The following TJP1 variants were observed in gnomAD, a reference collection of about 807,000 sequenced individuals.
TJP1 encodes tight junction protein 1, also known as tight junction protein ZO-1.
Under a neutral mutation model 194.2 loss-of-function variants are expected in TJP1, and 43 were observed. The ratio of observed to expected loss-of-function variants is 0.22; its 90% CI spans 0.17 to 0.29. The LOEUF is 0.29. Among genes scored for constraint, TJP1 ranks in the 10% least tolerant of loss-of-function variants. The probability of loss-of-function intolerance (pLI) is 1.00; values close to 1 mark genes in which losing one functional copy is unlikely to be tolerated. For missense variants in TJP1, 1,971 were observed against 2,185.7 expected (o/e 0.90, Z 1.96); for synonymous variants, 801 against 779.0 (o/e 1.03, Z -0.47).
chr15:29,727,674 CTGATA>C (rs1361886651), intron 16 of TJP1, among the ~76,000 whole-genome samples: 1 of 152,188 alleles, frequency 6.6e-6, no homozygotes, highest in Non-Finnish European at 1.5e-5. Flanking sequence ...TTGAATTGTA[CTGATA>C]TAATATATAA....
At position 29,956,189 on chromosome 15, in the gene TJP1, T is replaced by C. The variant is rs758423369; in HGVS notation, c.306+43A>G. The C allele has an allele frequency of 8.6e-6, 10 of 1,163,644 alleles. 1 individual carries two copies. In the South Asian group the frequency reaches 1.6e-4, roughly 18 times the overall value. The allele number at this position is 1,163,644 out of a possible 1,614,324, so 72.1% of individuals were successfully genotyped here. ...GAAAATAATAAAATAAAAACTTTCA[T>C]ACTCTTTGGAAAAATGAGAAAAGCA... On this transcript the variant is annotated intron_variant, in intron 2 of 28. Transcript: ENST00000356107.
chr15:29,784,090 A>C (rs527237807), intron 2 of TJP1, among the ~76,000 whole-genome samples: 1 of 152,150 alleles, frequency 6.6e-6, no homozygotes, highest in Non-Finnish European at 1.5e-5. Context: ...GTCCCTAAAG[A>C]AGCAAATCAA....
intron 3 of TJP1, among the ~76,000 whole-genome samples, 180 bp downstream of exon 3, chr15:29,773,053 C>A (rs2046793255): frequency 6.6e-6 from 1 of 152,152 alleles, no homozygotes; most frequent in South Asian, 2.1e-4. Flanking sequence ...CAGGAGTGAG[C>A]CACCACACCT....
intron 2 of TJP1, among the ~76,000 whole-genome samples, chr15:29,951,790 T>C (rs1274665906): frequency 6.6e-6 from 1 of 152,160 alleles, no homozygotes; most frequent in African/African-American, 2.4e-5. Context: ...CACAAAACTT[T>C]TTGTAGTATT....
chr15:29,764,082 G>A (rs530338781), intron 5 of TJP1, among the ~76,000 whole-genome samples: 1 of 152,252 alleles, frequency 6.6e-6, no homozygotes, highest in East Asian at 1.9e-4. Context: ...AGGCATTAGG[G>A]AGAAAGCAGC....
chr15:29,754,567 T>C (rs532571047), intron 8 of TJP1, among the ~76,000 whole-genome samples: 6 of 152,110 alleles, frequency 3.9e-5, no homozygotes, highest in Admixed American at 6.5e-5. Flanking sequence ...CTCTCCACAT[T>C]TGAAATAGAA....
At chr15:29,869,791 CT>C (rs1345303516) in intron 2 of TJP1, among the ~76,000 whole-genome samples, 1 of 102,912 alleles carries the variant, frequency 9.7e-6, no homozygotes. Flanking sequence ...TTCTTTCTTT[CT>C]TTCTTTTTTT....
intron 2 of TJP1, among the ~76,000 whole-genome samples, chr15:29,922,896 C>T (rs2054410240): frequency 1.3e-5 from 2 of 152,142 alleles, no homozygotes; most frequent in African/African-American, 4.8e-5. Flanking sequence ...AAAATGTACA[C>T]TTCTACTTAC....
chr15:29,955,880 G>A (rs1053267471), intron 2 of TJP1, among the ~76,000 whole-genome samples: 12 of 151,578 alleles, frequency 7.9e-5, no homozygotes, highest in African/African-American at 2.9e-4. Flanking sequence ...TGGGTGTTTG[G>A]GGTTAATCAG....
At chr15:29,774,091 T>TA (rs2046861602) in intron 2 of TJP1, among the ~76,000 whole-genome samples, 1 of 152,120 alleles carries the variant, frequency 6.6e-6, no homozygotes, top group South Asian at 2.1e-4. Flanking sequence ...ATGAAGTACT[T>TA]AAGAGTAGTT....
intron 2 of TJP1, among the ~76,000 whole-genome samples, chr15:29,940,858 A>G (rs1470160366): frequency 6.6e-6 from 1 of 151,912 alleles, no homozygotes; most frequent in Non-Finnish European, 1.5e-5. Context: ...GGCCTATGTC[A>G]CCAATCACCT....
chr15:29,729,538 G>A (rs953316116), intron 15 of TJP1: 1 of 151,336 alleles, frequency 6.6e-6, no homozygotes, highest in Admixed American at 6.6e-5. Flanking sequence ...ACTGAGGGTC[G>A]GCTGGGTGCA....
At chr15:29,825,808 C>G (rs1010240935), upstream of TJP1, among the ~76,000 whole-genome samples, 5 of 152,088 alleles carry the variant, frequency 3.3e-5, no homozygotes, top group Admixed American at 2.0e-4. Flanking sequence ...CAAAAGTAAT[C>G]CTGATTCCAC....
chr15:29,771,235 C>T (rs144683524), intron 4 of TJP1, among the ~76,000 whole-genome samples: 1 of 152,238 alleles, frequency 6.6e-6, no homozygotes, highest in East Asian at 1.9e-4. Flanking sequence ...CGTTATCTTC[C>T]CAAACCCAGA....
intron 2 of TJP1, among the ~76,000 whole-genome samples, chr15:29,937,028 T>C (rs2054907753): frequency 6.6e-6 from 1 of 152,296 alleles, no homozygotes; most frequent in South Asian, 2.1e-4. Flanking sequence ...TAAGTTATGG[T>C]GAAGTGTTAT....
intron 2 of TJP1, among the ~76,000 whole-genome samples, chr15:29,778,984 C>T (rs1230668153): frequency 6.6e-6 from 1 of 152,124 alleles, no homozygotes; most frequent in Non-Finnish European, 1.5e-5. Flanking sequence ...TGATTAAGCC[C>T]GCCAAACTTA....
At chr15:29,715,431 T>G (rs2042504698) in intron 23 of TJP1, among the ~76,000 whole-genome samples, 1 of 152,190 alleles carries the variant, frequency 6.6e-6, no homozygotes, top group Non-Finnish European at 1.5e-5. Context: ...AAAGGATGTC[T>G]TAGAAAAAAG....
intron 23 of TJP1, among the ~76,000 whole-genome samples, chr15:29,711,491 G>A (rs933885251): frequency 3.3e-5 from 5 of 152,086 alleles, no homozygotes; most frequent in Admixed American, 1.3e-4. Flanking sequence ...TCAGCCTCCC[G>A]AGTAGCTGGG....
intron 5 of TJP1, among the ~76,000 whole-genome samples, 179 bp from the exon 6 acceptor site, chr15:29,762,617 T>C (rs549879486): frequency 1.3e-5 from 2 of 152,300 alleles, no homozygotes; most frequent in Admixed American, 6.5e-5. Flanking sequence ...AAGTCTGCAA[T>C]GTCTCCGTGA....
Sources: gnomAD v4.1 joint callset for allele counts (sites outside exome capture counted in the v4.1 genomes callset) on GRCh38, gnomAD v4.1.1 for gene constraint, MANE v1.5 for transcripts, NCBI Gene and HGNC (gene_info 2026-07-23, HGNC 2026-07-21) for gene names.